CDKAL1: variants seen among roughly 807,000 people sequenced by gnomAD.
CDKAL1 encodes the protein CDKAL1 threonylcarbamoyladenosine tRNA methylthiotransferase, also known as threonylcarbamoyladenosine tRNA methylthiotransferase.
Under a neutral mutation model 68.2 loss-of-function variants are expected in CDKAL1, and 32 were observed. The observed-to-expected ratio is 0.47, with a 90% CI of 0.35 to 0.63. The LOEUF is 0.63. Among genes scored for constraint, CDKAL1 ranks in the 30% least tolerant of loss-of-function variants. The pLI is 0.00. For missense variants in CDKAL1, 606 were observed against 696.7 expected (o/e 0.87, Z 1.47); for synonymous variants, 234 against 244.3 (o/e 0.96, Z 0.39).
chr6:20,867,159 G>C (rs1318588124), intron 9 of CDKAL1, among the ~76,000 whole-genome samples: 1 of 152,140 alleles, frequency 6.6e-6, no homozygotes, highest in East Asian at 1.9e-4. Flanking sequence ...ATTTGATGAG[G>C]GAGCTTAGCC....
chr6:20,883,899 A>G (rs1760943531), intron 9 of CDKAL1, among the ~76,000 whole-genome samples: 1 of 152,246 alleles, frequency 6.6e-6, no homozygotes, highest in African/African-American at 2.4e-5. Context: ...GGTGAATTCT[A>G]GCAAACATTT....
At chr6:20,986,488 A>G (rs1766459780) in intron 10 of CDKAL1, among the ~76,000 whole-genome samples, 1 of 152,030 alleles carries the variant, frequency 6.6e-6, no homozygotes, top group African/African-American at 2.4e-5. Flanking sequence ...AACAATGGAG[A>G]TATTTTTTCA....
chr6:20,806,398 G>C (rs971955543), intron 8 of CDKAL1, among the ~76,000 whole-genome samples: 1 of 152,186 alleles, frequency 6.6e-6, no homozygotes, highest in African/African-American at 2.4e-5. Context: ...TATTTGGATT[G>C]AGTCCATGTC....
intron 9 of CDKAL1, among the ~76,000 whole-genome samples, chr6:20,902,049 C>T (rs1762012461): frequency 6.6e-6 from 1 of 151,476 alleles, no homozygotes; most frequent in South Asian, 2.1e-4. Flanking sequence ...AGTTTCTTAT[C>T]TTTCAGCTGT....
At chr6:20,764,462 C>T (rs868461292) in intron 7 of CDKAL1, among the ~76,000 whole-genome samples, 2 of 152,302 alleles carry the variant, frequency 1.3e-5, no homozygotes, top group South Asian at 4.1e-4. Flanking sequence ...TGCCATCTTG[C>T]ACTAGACTGA....
intron 12 of CDKAL1, among the ~76,000 whole-genome samples, chr6:21,075,854 T>C (rs1028402297): frequency 1.3e-5 from 2 of 152,148 alleles, no homozygotes; most frequent in Non-Finnish European, 2.9e-5. Context: ...AAAATATTGA[T>C]GATGAATAAT....
rs923207978 is a variant in CDKAL1 at position 20,845,493 on chromosome 6, A to G, written c.639-582A>G. On this transcript the variant is annotated intron_variant, in intron 8 of 15. Coordinates refer to ENST00000274695, the MANE Select transcript of CDKAL1 (RefSeq NM_017774.3). The stretch of plus-strand genomic sequence containing the variant: ...CCATTCTACTTTTTTTACTTTGATT[A>G]ATGTAGTCTCAGAGAATTATTCATT... Among the ~76,000 whole-genome samples, 5 of 152,024 alleles carry G rather than the reference A, an allele frequency of 3.3e-5. No individual in the cohort carries two copies. In the East Asian group the frequency reaches 9.6e-4, roughly 29 times the overall value.
At chr6:20,712,410 A>G (rs527541488) in intron 5 of CDKAL1, among the ~76,000 whole-genome samples, 8 of 152,238 alleles carry the variant, frequency 5.3e-5, no homozygotes, top group Admixed American at 5.2e-4. Context: ...ATAAGAGCAC[A>G]AAACTTAGCC....
chr6:21,190,191 A>G (rs747991197), intron 13 of CDKAL1, among the ~76,000 whole-genome samples: 3 of 152,192 alleles, frequency 2.0e-5, no homozygotes, highest in African/African-American at 7.2e-5. Flanking sequence ...TCCCAGAGTC[A>G]TACATTCAGA....
intron 9 of CDKAL1, among the ~76,000 whole-genome samples, chr6:20,953,301 G>A (rs1156900723): frequency 6.6e-6 from 1 of 152,140 alleles, no homozygotes; most frequent in African/African-American, 2.4e-5. Flanking sequence ...CCTATTCATA[G>A]CGATTTTTCC....
intron 15 of CDKAL1, among the ~76,000 whole-genome samples, chr6:21,229,284 C>CTT (rs1311554892): frequency 6.6e-6 from 1 of 152,126 alleles, no homozygotes; most frequent in Non-Finnish European, 1.5e-5. Flanking sequence ...TTACCCAATC[C>CTT]TTTGAATTCA....
chr6:21,159,427 A>G (rs572885158), intron 13 of CDKAL1, among the ~76,000 whole-genome samples: 7 of 152,262 alleles, frequency 4.6e-5, no homozygotes, highest in African/African-American at 1.7e-4. Context: ...TGTTCTTCCA[A>G]GGGAAACTAG....
chr6:20,586,397 G>C (rs6932962), intron 4 of CDKAL1, among the ~76,000 whole-genome samples: 10,462 of 152,276 alleles, frequency 0.069, 516 homozygotes, highest in African/African-American at 0.13. Flanking sequence ...CAGCACTTTG[G>C]GAGGCCAAGG....
intron 9 of CDKAL1, among the ~76,000 whole-genome samples, chr6:20,938,826 G>A (rs2150691350): frequency 6.6e-6 from 1 of 152,008 alleles, no homozygotes; most frequent in African/African-American, 2.4e-5. Flanking sequence ...TACTCCAATG[G>A]GAATGAGCAT....
chr6:20,749,035 C>T (rs986991278), intron 6 of CDKAL1, among the ~76,000 whole-genome samples: 2 of 145,466 alleles, frequency 1.4e-5, no homozygotes, highest in Non-Finnish European at 3.0e-5. Flanking sequence ...TCTTTTACTC[C>T]TGAAAGGATT....
chr6:21,188,442 T>G (rs1778103435), intron 13 of CDKAL1, among the ~76,000 whole-genome samples: 1 of 152,240 alleles, frequency 6.6e-6, no homozygotes, highest in South Asian at 2.1e-4. Flanking sequence ...CAAAGAAGAC[T>G]GGCCTAGACT....
chr6:21,070,190 G>A (rs539338410), intron 12 of CDKAL1, among the ~76,000 whole-genome samples: 74 of 152,224 alleles, frequency 4.9e-4, no homozygotes, highest in Middle Eastern at 3.4e-3. Context: ...TCCACTCTGT[G>A]TAGTTATTTT....
chr6:20,658,189 A>G (rs1769117652), intron 5 of CDKAL1, among the ~76,000 whole-genome samples: 1 of 152,218 alleles, frequency 6.6e-6, no homozygotes, highest in Non-Finnish European at 1.5e-5. Flanking sequence ...TGTGTCCTAT[A>G]TAAATGACAG....
chr6:20,613,046 A>ACACAC (rs1561966453), intron 4 of CDKAL1, among the ~76,000 whole-genome samples: 2 of 127,576 alleles, frequency 1.6e-5, no homozygotes, highest in African/African-American at 2.9e-5. Flanking sequence ...CACACACACA[A>ACACAC]AGGGTATGGA....
Sources: gnomAD v4.1 joint callset for allele counts (sites outside exome capture counted in the v4.1 genomes callset) on GRCh38, gnomAD v4.1.1 for gene constraint, MANE v1.5 for transcripts, NCBI Gene and HGNC (gene_info 2026-07-23, HGNC 2026-07-21) for gene names.